The following STXBP5L variants were observed in gnomAD, a reference collection of about 807,000 sequenced individuals.
The protein encoded by STXBP5L is syntaxin-binding protein 5-like.
STXBP5L carries 65 observed loss-of-function variants against 144.5 expected under a neutral mutation model. The ratio of observed to expected loss-of-function variants is 0.45; its 90% CI spans 0.37 to 0.55. The LOEUF is 0.55. Ranked by LOEUF, STXBP5L falls within the 20% of genes least tolerant of loss-of-function variation. The probability of loss-of-function intolerance (pLI) is 0.00; values close to 1 mark genes in which losing one functional copy is unlikely to be tolerated. For missense variants in STXBP5L, 1,298 were observed against 1,405.5 expected (o/e 0.92, Z 1.22); for synonymous variants, 505 against 469.6 (o/e 1.08, Z -0.97).
intron 6 of STXBP5L, among the ~76,000 whole-genome samples, chr3:121,118,651 A>G (rs2044331606): frequency 6.6e-6 from 1 of 151,666 alleles, no homozygotes; most frequent in African/African-American, 2.4e-5. Flanking sequence ...CCCTGAATGC[A>G]GGTATGGAGA....
chr3:121,412,727 C>CAAAAAAAAAAAAAAAAAAAAAAA (rs35247157), intron 23 of STXBP5L, among the ~76,000 whole-genome samples: 3 of 69,608 alleles, frequency 4.3e-5, no homozygotes, highest in Admixed American at 3.4e-4. Context: ...TTTCTCCCTC[C>CAAAAAAAAAAAAAAAAAAAAAAA]AAAAAAAAAA....
intron 3 of STXBP5L, 112 bp from the exon 4 acceptor site, chr3:121,041,588 A>C: frequency 2.7e-6 from 2 of 749,224 alleles, no homozygotes; most frequent in Non-Finnish European, 4.4e-6. Context: ...ACTATTTATA[A>C]AAATAAGGGA....
At chr3:121,316,487 A>G (rs776429836) in intron 19 of STXBP5L, among the ~76,000 whole-genome samples, 4 of 152,206 alleles carry the variant, frequency 2.6e-5, no homozygotes, top group Non-Finnish European at 4.4e-5. Flanking sequence ...ACCAAATCCC[A>G]TCCTTCCTCC....
At chr3:121,344,151 G>A (rs547925808) in intron 20 of STXBP5L, among the ~76,000 whole-genome samples, 1 of 151,968 alleles carries the variant, frequency 6.6e-6, no homozygotes. Flanking sequence ...AATGGGGAAA[G>A]GATTCCGTAT....
intron 2 of STXBP5L, among the ~76,000 whole-genome samples, chr3:120,943,463 A>G (rs1710672493): frequency 6.6e-6 from 1 of 150,682 alleles, no homozygotes; most frequent in Admixed American, 6.8e-5. Context: ...GGAAAGGAAA[A>G]GGATAAAATA....
chr3:121,320,869 T>A lies in STXBP5L; in HGVS notation c.2176+2329T>A, dbSNP rs550411085. ...GAGCGTGTCACACACCCAGCTGATTTTTTGTATTTTTAGTAGAGACGGGGT... is the reference window on the plus strand; with the variant it reads ...GAGCGTGTCACACACCCAGCTGATTATTTGTATTTTTAGTAGAGACGGGGT... On this transcript the variant is annotated intron_variant, in intron 20 of 26. Coordinates refer to ENST00000471454, the MANE Select transcript of STXBP5L (RefSeq NM_001308330.2). Among the ~76,000 whole-genome samples, 22 of 152,064 alleles carry A rather than the reference T, an allele frequency of 1.4e-4. No homozygotes were observed. The East Asian group carries it at 4.3e-3, about 29-fold the overall frequency.
At chr3:121,092,510 G>C (rs560122441) in intron 5 of STXBP5L, among the ~76,000 whole-genome samples, 5 of 152,082 alleles carry the variant, frequency 3.3e-5, no homozygotes, top group African/African-American at 9.7e-5. Flanking sequence ...TGGATTCCTA[G>C]GTATTTTATT....
chr3:121,411,095 A>C (rs2047105404), intron 23 of STXBP5L, among the ~76,000 whole-genome samples: 2 of 152,126 alleles, frequency 1.3e-5, no homozygotes, highest in African/African-American at 4.8e-5. Context: ...ATCATCTTTT[A>C]ATATCTTTTT....
intron 10 of STXBP5L, among the ~76,000 whole-genome samples, chr3:121,217,049 C>T (rs2048802006): frequency 6.6e-6 from 1 of 152,194 alleles, no homozygotes; most frequent in African/African-American, 2.4e-5. Context: ...GCTGGCACTT[C>T]CCAGATCGAC....
In STXBP5L at chr3:121,412,818, A is replaced by G. The variant is rs142024133; in HGVS notation, c.2949-340A>G. 5.4e-3 allele frequency among the ~76,000 whole-genome samples: 816 copies of G among 151,532 alleles called. 3 individuals are homozygous for G. The highest frequency in any genetic ancestry group is 0.023 in the South Asian group (109 of 4,808). ...GCCTTGAAGATAAGAAGAAACAACC[A>G]GGCCGAGTATGGTGGCTCAAGCCTG... On this transcript the variant is annotated intron_variant, in intron 23 of 26. Transcript: ENST00000471454.
At chr3:121,316,544 G>C (rs1284532407) in intron 19 of STXBP5L, among the ~76,000 whole-genome samples, 1 of 152,036 alleles carries the variant, frequency 6.6e-6, no homozygotes, top group Non-Finnish European at 1.5e-5. Flanking sequence ...TTCTTCCCCT[G>C]TTTTCTTATC....
At chr3:121,064,373 G>T (rs553926082) in intron 5 of STXBP5L, among the ~76,000 whole-genome samples, 2 of 152,230 alleles carry the variant, frequency 1.3e-5, no homozygotes, top group Non-Finnish European at 2.9e-5. Context: ...CTCACCTTCT[G>T]TGTTGATCTT....
At chr3:121,290,958 A>C (rs1457655970) in intron 19 of STXBP5L, among the ~76,000 whole-genome samples, 2 of 152,148 alleles carry the variant, frequency 1.3e-5, no homozygotes, top group Non-Finnish European at 2.9e-5. Flanking sequence ...GAATGGGGGA[A>C]AGCTGAAAAC....
At chr3:121,313,321 G>A (rs1181438926) in intron 19 of STXBP5L, among the ~76,000 whole-genome samples, 1 of 136,736 alleles carries the variant, frequency 7.3e-6, no homozygotes, top group Non-Finnish European at 1.6e-5. Flanking sequence ...CCTCCTGGAC[G>A]GGGCGGCTGG....
chr3:121,045,427 T>G lies in STXBP5L; in HGVS notation c.370-8T>G, dbSNP rs2107565309. 1.9e-6 allele frequency: 3 copies of G among 1,592,710 alleles called. No individual in the cohort carries two copies. The African/African-American group carries it at 4.1e-5, about 22-fold the overall frequency. ...TCACACACTTACTTTATCTTCTTTTTGTTCTAGGGTGCCTTGGTCAGTGCA... is the reference window on the plus strand; with the variant it reads ...TCACACACTTACTTTATCTTCTTTTGGTTCTAGGGTGCCTTGGTCAGTGCA... On this transcript the variant is annotated splice_region_variant and splice_polypyrimidine_tract_variant and intron_variant, in intron 4 of 26. Coordinates refer to ENST00000471454, the MANE Select transcript of STXBP5L (RefSeq NM_001308330.2).
intron 20 of STXBP5L, among the ~76,000 whole-genome samples, chr3:121,341,482 C>T: frequency 6.6e-6 from 1 of 151,986 alleles, no homozygotes; most frequent in Middle Eastern, 3.2e-3. Flanking sequence ...ACTAAAAATG[C>T]AGCTACCATA....
chr3:121,404,139 G>C (rs1022463057), intron 22 of STXBP5L, among the ~76,000 whole-genome samples: 2 of 152,006 alleles, frequency 1.3e-5, no homozygotes, highest in Non-Finnish European at 2.9e-5. Context: ...TGAGCTCCTG[G>C]TATTCCTCTC....
At chr3:121,411,947 G>C (rs1380093326) in intron 23 of STXBP5L, among the ~76,000 whole-genome samples, 3 of 152,172 alleles carry the variant, frequency 2.0e-5, no homozygotes, top group Non-Finnish European at 2.9e-5. Context: ...CATGTGAAGT[G>C]CTACAAAAAG....
intron 22 of STXBP5L, among the ~76,000 whole-genome samples, chr3:121,395,774 C>T (rs1301566064): frequency 3.3e-5 from 5 of 152,300 alleles, no homozygotes; most frequent in Middle Eastern, 3.4e-3. Flanking sequence ...GTGGTTGTCC[C>T]GCTTTCCTCA....
Sources: gnomAD v4.1 joint callset for allele counts (sites outside exome capture counted in the v4.1 genomes callset) on GRCh38, gnomAD v4.1.1 for gene constraint, MANE v1.5 for transcripts, NCBI Gene and HGNC (gene_info 2026-07-23, HGNC 2026-07-21) for gene names.